Variants in CSMD1 observed in about 807,000 individuals in gnomAD.
The protein encoded by CSMD1 is CUB and Sushi multiple domains 1.
In CSMD1, 213 loss-of-function variants were observed where a neutral mutation model predicts 417.5. That is an observed-to-expected ratio of 0.51 (90% CI 0.46 to 0.57). The LOEUF (loss-of-function observed/expected upper bound fraction) is 0.57. Ranked by LOEUF, CSMD1 falls within the 20% of genes least tolerant of loss-of-function variation. The probability of loss-of-function intolerance (pLI) is 0.00; values close to 1 mark genes in which losing one functional copy is unlikely to be tolerated. For missense variants in CSMD1, 6,923 were observed against 4,529.7 expected (o/e 1.53, Z -15.17); for synonymous variants, 2,862 against 1,736.8 (o/e 1.65, Z -16.11).
chr8:3,862,249 C>T (rs555405893), intron 5 of CSMD1, among the ~76,000 whole-genome samples: 9 of 152,316 alleles, frequency 5.9e-5, no homozygotes, highest in South Asian at 4.1e-4. Flanking sequence ...TACACAGCTT[C>T]CACTTAGGGG....
rs866913373 is a variant in CSMD1, at chr8:4,576,127, C to T, written c.302+61215G>A. On this transcript the variant is annotated intron_variant, in intron 2 of 69. Transcript: ENST00000635120. ...CCTCCTCTTTATTGCTAGCCTATCC[C>T]TCTTAGAATAATTGCAGAAAGTATG... 5.9e-5 allele frequency among the ~76,000 whole-genome samples: 9 copies of T among 152,344 alleles called. No individual in the cohort carries two copies. The South Asian group carries it at 6.2e-4, about 11-fold the overall frequency.
intron 1 of CSMD1, among the ~76,000 whole-genome samples, chr8:4,646,371 C>T (rs188784671): frequency 2.6e-5 from 4 of 152,130 alleles, no homozygotes; most frequent in African/African-American, 9.7e-5. Flanking sequence ...CTATGTATTA[C>T]TCTTGCTTTA....
intron 49 of CSMD1, among the ~76,000 whole-genome samples, chr8:3,063,763 T>C (rs1307251681): frequency 6.6e-6 from 1 of 152,108 alleles, no homozygotes; most frequent in Non-Finnish European, 1.5e-5. Context: ...TTATGTGAGG[T>C]GCCTAGAGTA....
intron 3 of CSMD1, among the ~76,000 whole-genome samples, chr8:4,040,960 C>A (rs935495452): frequency 6.6e-6 from 1 of 150,614 alleles, no homozygotes; most frequent in African/African-American, 2.4e-5. Context: ...TACATTTTGA[C>A]TTCACTAGTG....
chr8:3,653,039 A>T (rs1351033450), intron 7 of CSMD1, among the ~76,000 whole-genome samples: 1 of 152,104 alleles, frequency 6.6e-6, no homozygotes, highest in Non-Finnish European at 1.5e-5. Context: ...AAAGACACAA[A>T]TGTTTTCTAT....
Position 3,996,496 on chromosome 8 carries a change from TA to T in CSMD1, c.818+1406del, listed in dbSNP as rs1466168609. On this transcript the variant is annotated intron_variant, in intron 5 of 69. Coordinates refer to ENST00000635120, the MANE Select transcript of CSMD1 (RefSeq NM_033225.6). ...TTACAAATCGACTTGTCTGAAGTCA[TA>T]AGGATTTGCTTTTGGCAGAACCTGT... Among the ~76,000 whole-genome samples the T allele has an allele frequency of 4.6e-5, 7 of 152,220 alleles. No individual in the cohort carries two copies. In the Middle Eastern group the frequency reaches 0.01, roughly 222 times the overall value.
chr8:4,252,509 C>T (rs1374752811), intron 3 of CSMD1, among the ~76,000 whole-genome samples: 1 of 152,198 alleles, frequency 6.6e-6, no homozygotes. Context: ...GAGGCATGTC[C>T]TGTTTCCTCA....
intron 10 of CSMD1, among the ~76,000 whole-genome samples, chr8:3,535,173 C>G (rs200809225): frequency 1.3e-5 from 2 of 151,998 alleles, no homozygotes; most frequent in East Asian, 1.9e-4. Flanking sequence ...ATGCTGGTCT[C>G]AAACTCCTGG....
chr8:3,792,570 C>G (rs914489069), intron 5 of CSMD1, among the ~76,000 whole-genome samples: 1 of 152,154 alleles, frequency 6.6e-6, no homozygotes, highest in Non-Finnish European at 1.5e-5. Flanking sequence ...ATTGACTCCT[C>G]CTTTGTTAGC....
intron 5 of CSMD1, among the ~76,000 whole-genome samples, chr8:3,775,297 A>G (rs556536621): frequency 6.6e-6 from 1 of 152,232 alleles, no homozygotes; most frequent in Non-Finnish European, 1.5e-5. Context: ...AGTGAACAGA[A>G]GATGAATCCA....
At chr8:3,704,264 T>C (rs1249390358) in intron 7 of CSMD1, among the ~76,000 whole-genome samples, 1 of 152,040 alleles carries the variant, frequency 6.6e-6, no homozygotes, top group Non-Finnish European at 1.5e-5. Context: ...CCTGGACAGA[T>C]GAGCAAGCAG....
At chr8:3,751,759 C>A (rs905768963) in intron 6 of CSMD1, among the ~76,000 whole-genome samples, 2 of 147,320 alleles carry the variant, frequency 1.4e-5, no homozygotes, top group Admixed American at 6.7e-5. Context: ...CCATTTTTAA[C>A]CTTTCTTTCA....
At chr8:4,051,626 G>T (rs1226501933) in intron 3 of CSMD1, among the ~76,000 whole-genome samples, 2 of 152,088 alleles carry the variant, frequency 1.3e-5, no homozygotes, top group African/African-American at 2.4e-5. Flanking sequence ...GGTTTCTGTG[G>T]GGCCCTAGAA....
At chr8:4,566,169 T>A (rs1798597378) in intron 2 of CSMD1, among the ~76,000 whole-genome samples, 1 of 152,146 alleles carries the variant, frequency 6.6e-6, no homozygotes, top group South Asian at 2.1e-4. Context: ...CAGCACTGAA[T>A]GATGAGATTG....
chr8:4,068,332 G>A (rs557141247), intron 3 of CSMD1, among the ~76,000 whole-genome samples: 74 of 152,272 alleles, frequency 4.9e-4, no homozygotes, highest in African/African-American at 1.8e-3. Context: ...AGGCCAGCAT[G>A]AGAGTGGGGC....
At chr8:4,614,825 C>A (rs963203606) in intron 2 of CSMD1, among the ~76,000 whole-genome samples, 4 of 151,978 alleles carry the variant, frequency 2.6e-5, no homozygotes, top group African/African-American at 9.7e-5. Context: ...GATAATCAGA[C>A]ATTATTTTTT....
At chr8:3,026,649 CT>C (rs1809954315) in intron 51 of CSMD1, among the ~76,000 whole-genome samples, 1 of 152,224 alleles carries the variant, frequency 6.6e-6, no homozygotes, top group African/African-American at 2.4e-5. Context: ...ACACCGTGAA[CT>C]CTGCCCTGTG....
intron 23 of CSMD1, among the ~76,000 whole-genome samples, chr8:3,326,193 T>C (rs1421714977): frequency 6.6e-6 from 1 of 152,204 alleles, no homozygotes; most frequent in Admixed American, 6.5e-5. Flanking sequence ...CGCGATGATA[T>C]ACATGTTGGT....
In CSMD1 at chr8:4,953,460, T is replaced by C. The variant is rs183189481; in HGVS notation, c.85+40872A>G. On this transcript the variant is annotated intron_variant, in intron 1 of 69. Coordinates refer to ENST00000635120, the MANE Select transcript of CSMD1 (RefSeq NM_033225.6). Reference sequence around the variant, plus strand: ...CACTATCACTTCAAATACTAAATAATTGCTTTATAAGGAGCATTTCTGGAT... The same window carrying C: ...CACTATCACTTCAAATACTAAATAACTGCTTTATAAGGAGCATTTCTGGAT... Among the ~76,000 whole-genome samples the C allele has an allele frequency of 4.1e-3, 617 of 152,260 alleles. 2 individuals are homozygous for C. Among genetic ancestry groups the C allele is most frequent in the African/African-American group, 0.014 (575 of 41,566 alleles).
Sources: gnomAD v4.1 joint callset for allele counts (sites outside exome capture counted in the v4.1 genomes callset) on GRCh38, gnomAD v4.1.1 for gene constraint, MANE v1.5 for transcripts, NCBI Gene and HGNC (gene_info 2026-07-23, HGNC 2026-07-21) for gene names.